Variants in TSPEAR observed in about 807,000 individuals in gnomAD.
The protein encoded by TSPEAR is thrombospondin type laminin G domain and EAR repeats.
TSPEAR carries 69 observed loss-of-function variants against 71.6 expected under a neutral mutation model. The ratio of observed to expected loss-of-function variants is 0.96; its 90% CI spans 0.79 to 1.18. TSPEAR has a LOEUF of 1.18. Among genes scored for constraint, TSPEAR ranks in the 50% most tolerant of loss-of-function variants. The pLI, the probability that TSPEAR is intolerant of heterozygous loss-of-function variation, is 0.00. For missense variants in TSPEAR, 971 were observed against 894.9 expected (o/e 1.09, Z -1.09); for synonymous variants, 402 against 387.2 (o/e 1.04, Z -0.45).
intron 1 of TSPEAR, chr21:44,697,598 C>G (rs782474938): frequency 1.2e-6 from 2 of 1,614,074 alleles, no homozygotes; most frequent in Non-Finnish European, 1.7e-6. Context: ...TTCATGCTGC[C>G]AGCAGTCTAG....
intron 1 of TSPEAR, chr21:44,579,803 G>C (rs1569198685): frequency 6.2e-7 from 1 of 1,609,516 alleles, no homozygotes; most frequent in Non-Finnish European, 8.5e-7. Flanking sequence ...GCAGAGGAGG[G>C]ACACGCAGGA....
chr21:44,690,132 G>T (rs2003049), intron 1 of TSPEAR, among the ~76,000 whole-genome samples: 1 of 148,740 alleles, frequency 6.7e-6, no homozygotes, highest in Non-Finnish European at 1.5e-5. Context: ...TCACCATGAG[G>T]TTGAGAAATC....
intron 1 of TSPEAR, chr21:44,637,635 C>T: frequency 6.2e-7 from 1 of 1,614,016 alleles, no homozygotes; most frequent in Non-Finnish European, 8.5e-7. Flanking sequence ...TGCACAACCC[C>T]ATGCTACCAG....
At chr21:44,531,868 G>A (rs945870217) in intron 3 of TSPEAR, among the ~76,000 whole-genome samples, 3 of 152,226 alleles carry the variant, frequency 2.0e-5, no homozygotes, top group Admixed American at 1.3e-4. Flanking sequence ...GTGGGTGCCC[G>A]CTGAGGGACA....
intron 9 of TSPEAR, chr21:44,518,691 G>A (rs1236692777): frequency 8.5e-6 from 4 of 470,624 alleles, no homozygotes; most frequent in Non-Finnish European, 1.3e-5. Flanking sequence ...CAGCTCATTC[G>A]TTAGATGATT....
intron 1 of TSPEAR, chr21:44,676,570 A>G: frequency 1.4e-6 from 1 of 725,572 alleles, no homozygotes; most frequent in South Asian, 1.5e-5. Context: ...TAGATGATGA[A>G]ACTGTAATTC....
At chr21:44,694,347 A>T (rs1351550440) in intron 1 of TSPEAR, among the ~76,000 whole-genome samples, 1 of 152,256 alleles carries the variant, frequency 6.6e-6, no homozygotes, top group Non-Finnish European at 1.5e-5. Flanking sequence ...TCTTACATGA[A>T]GTATCTAGAA....
At chr21:44,682,865 G>A (rs1226664744) in intron 1 of TSPEAR, among the ~76,000 whole-genome samples, 2 of 152,212 alleles carry the variant, frequency 1.3e-5, no homozygotes, top group South Asian at 2.1e-4. Context: ...TGGAGTCCGA[G>A]GAGCAGAGAA....
intron 2 of TSPEAR, among the ~76,000 whole-genome samples, chr21:44,566,992 T>TA (rs199985117): frequency 8.6e-5 from 13 of 151,816 alleles, no homozygotes; most frequent in Admixed American, 1.3e-4. Flanking sequence ...AGCAACAAAA[T>TA]AAAAAAAATA....
intron 1 of TSPEAR, among the ~76,000 whole-genome samples, chr21:44,619,689 A>C (rs587704122): frequency 1.3e-5 from 2 of 152,392 alleles, no homozygotes; most frequent in Admixed American, 6.5e-5. Context: ...ATTAAATAGA[A>C]GTTCTGGAAT....
At chr21:44,702,129 C>A in intron 1 of TSPEAR, 1 of 1,170,752 alleles carries the variant, frequency 8.5e-7, no homozygotes, top group Non-Finnish European at 1.2e-6. Context: ...GCAGCGTCCA[C>A]ATGAGCACAG....
chr21:44,511,164 C>T (rs2052361019), intron 9 of TSPEAR: 1 of 152,340 alleles, frequency 6.6e-6, no homozygotes, highest in South Asian at 2.1e-4. Context: ...GGGCTCCTCC[C>T]ACGCCTGTGC....
intron 1 of TSPEAR, among the ~76,000 whole-genome samples, chr21:44,650,155 G>C (rs1012123041): frequency 6.6e-6 from 1 of 152,052 alleles, no homozygotes; most frequent in African/African-American, 2.4e-5. Flanking sequence ...GGTCAAGGCT[G>C]CAGTGAGCCG....
At chr21:44,508,478 C>T (rs2052260237) in intron 10 of TSPEAR, 6 of 1,024,742 alleles carry the variant, frequency 5.9e-6, no homozygotes, top group Non-Finnish European at 7.0e-6. Context: ...AAGCTTGACC[C>T]ATGGCCCCTG....
At position 44,546,302 on chromosome 21, in the gene TSPEAR, A is replaced by C. The variant is rs1450678639; in HGVS notation, c.304-12379T>G. 6.6e-6 allele frequency among the ~76,000 whole-genome samples: 1 copy of C among 152,148 alleles called. No homozygotes were observed. The highest frequency in any genetic ancestry group is 1.5e-5 in the Non-Finnish European group (1 of 68,024). ...TTAGCATTTCTTGTAAGGCAAGTCTATTGGCAATGAGCTTTTTCAGGTTTT... is the reference window on the plus strand; with the variant it reads ...TTAGCATTTCTTGTAAGGCAAGTCTCTTGGCAATGAGCTTTTTCAGGTTTT... On this transcript the variant is annotated intron_variant, in intron 2 of 11. Coordinates refer to ENST00000323084, the MANE Select transcript of TSPEAR (RefSeq NM_144991.3). The surrounding 1 kb of genome is among the most constrained non-coding windows in gnomAD (Gnocchi z 4.4).
At chr21:44,515,257 C>G (rs1347427876) in intron 9 of TSPEAR, among the ~76,000 whole-genome samples, 1 of 152,216 alleles carries the variant, frequency 6.6e-6, no homozygotes, top group African/African-American at 2.4e-5. Context: ...TGAGGAATTA[C>G]TGAGTTTTGA....
chr21:44,544,309 A>C (rs1183809044), intron 2 of TSPEAR, among the ~76,000 whole-genome samples: 16 of 147,858 alleles, frequency 1.1e-4, no homozygotes, highest in Non-Finnish European at 1.0e-4. Context: ...CAAAAAAAAA[A>C]TCAGTGCCTT....
chr21:44,568,073 A>G, intron 1 of TSPEAR, 68 bp from the exon 2 acceptor site: 3 of 1,263,262 alleles, frequency 2.4e-6, no homozygotes, highest in South Asian at 3.7e-5. Flanking sequence ...ATAACAGCCA[A>G]CATGTATGGG....
intron 9 of TSPEAR, among the ~76,000 whole-genome samples, chr21:44,513,941 C>T (rs951634177): frequency 3.9e-5 from 6 of 152,174 alleles, no homozygotes; most frequent in Non-Finnish European, 7.4e-5. Context: ...TGACAGGTGA[C>T]TCCCTTGAGA....
Sources: gnomAD v4.1 joint callset for allele counts (sites outside exome capture counted in the v4.1 genomes callset) on GRCh38, gnomAD v4.1.1 for gene constraint, Gnocchi (gnomAD v3.1) non-coding constraint, MANE v1.5 for transcripts, NCBI Gene and HGNC (gene_info 2026-07-23, HGNC 2026-07-21) for gene names.